Variants in VAV2 observed in about 807,000 individuals in gnomAD.
VAV2 encodes the protein vav guanine nucleotide exchange factor 2.
Under a neutral mutation model 132.5 loss-of-function variants are expected in VAV2, and 67 were observed. The observed-to-expected ratio is 0.51, with a 90% CI of 0.42 to 0.62. The LOEUF is 0.62. Ranked by LOEUF, VAV2 falls within the 20% of genes least tolerant of loss-of-function variation. VAV2 has a pLI of 0.00. For missense variants in VAV2, 938 were observed against 1,153.6 expected (o/e 0.81, Z 2.71); for synonymous variants, 492 against 443.5 (o/e 1.11, Z -1.37).
chr9:133,780,662 G>A (rs1203737029), intron 20 of VAV2, 32 bp downstream of exon 20: 4 of 1,288,780 alleles, frequency 3.1e-6, no homozygotes, highest in Non-Finnish European at 4.0e-6. Flanking sequence ...CGGGGGTGGG[G>A]CAGAGGGAGG....
At chr9:133,888,230 G>A (rs1282765252) in intron 2 of VAV2, among the ~76,000 whole-genome samples, 1 of 152,242 alleles carries the variant, frequency 6.6e-6, no homozygotes, top group Non-Finnish European at 1.5e-5. Context: ...CGCTGAATGG[G>A]GGCAGAGTGT....
chr9:133,868,998 C>CTTTTT (rs112644029), intron 2 of VAV2, among the ~76,000 whole-genome samples: 1 of 142,364 alleles, frequency 7.0e-6, no homozygotes, highest in African/African-American at 2.6e-5. Context: ...TCTATTTATT[C>CTTTTT]TTTTTTTTTT....
rs991056306 is a variant in VAV2, at chr9:133,926,619, CCT to C, written c.321+12482_321+12483del. Among the ~76,000 whole-genome samples, 1 of 152,136 alleles carries C rather than the reference CCT, an allele frequency of 6.6e-6. No homozygotes were observed. ...CCTCTGGACCTTTGCACATGCTGCCCCTGAGACCTCCCATACCACCACCTTCA... is the reference window on the plus strand; with the variant it reads ...CCTCTGGACCTTTGCACATGCTGCCCGAGACCTCCCATACCACCACCTTCA... On this transcript the variant is annotated intron_variant, in intron 2 of 29. Transcript: ENST00000371850. The surrounding 1 kb of genome is among the most constrained non-coding windows in gnomAD (Gnocchi z 4.3).
intron 2 of VAV2, among the ~76,000 whole-genome samples, chr9:133,871,882 G>A (rs1838069633): frequency 6.6e-6 from 1 of 151,900 alleles, no homozygotes; most frequent in African/African-American, 2.4e-5. Flanking sequence ...GGCCAGCCCT[G>A]CCCCTTCTGA....
At position 133,769,298 on chromosome 9, in the gene VAV2, C is replaced by A. The variant is rs1833536143; in HGVS notation, c.2434+119G>T. On this transcript the variant is annotated intron_variant, in intron 28 of 29. Coordinates refer to ENST00000371850, the MANE Select transcript of VAV2 (RefSeq NM_001134398.2). This position sits in a 1 kb window ranked among gnomAD's most constrained non-coding sequence, Gnocchi z 8.1. ...TTTCTCCCCTCCACCCAGTGCCAGA[C>A]TGCGGACAACTGTGGCCACGTCAGG... 1.8e-6 allele frequency: 2 copies of A among 1,110,884 alleles called. No homozygotes were observed. The highest frequency in any genetic ancestry group is 2.5e-6 in the Non-Finnish European group (2 of 787,290). The allele number at this position is 1,110,884 out of a possible 1,614,324, so 68.8% of individuals were successfully genotyped here.
chr9:133,866,133 G>A (rs915554540), intron 2 of VAV2, among the ~76,000 whole-genome samples: 8 of 151,720 alleles, frequency 5.3e-5, no homozygotes, highest in African/African-American at 9.7e-5. Context: ...AAGCCCTAGG[G>A]TGGGCCTGGT....
chr9:133,894,633 T>A (rs2810468), intron 2 of VAV2, among the ~76,000 whole-genome samples: 1 of 151,968 alleles, frequency 6.6e-6, no homozygotes, highest in Non-Finnish European at 1.5e-5. Context: ...GGGCCAGCCC[T>A]TTCCCCACCG....
rs781179429 is a variant in VAV2, at chr9:133,796,540, G to A, written c.937-16C>T. 1.7e-5 allele frequency: 28 copies of A among 1,609,370 alleles called. 1 individual carries two copies. The South Asian group carries it at 2.9e-4, about 17-fold the overall frequency. ...GTGTGCACTCCTGGGAGGGCGACAG[G>A]GCGATGGGAGAGCCCTCCCCGAGGA... On this transcript the variant is annotated splice_polypyrimidine_tract_variant and intron_variant, in intron 10 of 29. Transcript: ENST00000371850.
Position 133,868,495 on chromosome 9 carries a change from C to T in VAV2, c.322-7063G>A, listed in dbSNP as rs138245702. 1.2e-4 allele frequency among the ~76,000 whole-genome samples: 18 copies of T among 152,296 alleles called. No individual in the cohort carries two copies. The East Asian group carries it at 2.9e-3, about 25-fold the overall frequency. On this transcript the variant is annotated intron_variant, in intron 2 of 29. Transcript: ENST00000371850. ...CCCGTGTGGCTGTAGGTGAATGAGA[C>T]GGAGCCTGGCCCAAAGCAGGGACTC...
At chr9:133,850,271 C>G (rs977011233) in intron 3 of VAV2, among the ~76,000 whole-genome samples, 2 of 152,196 alleles carry the variant, frequency 1.3e-5, no homozygotes, top group East Asian at 1.9e-4. Flanking sequence ...TAACCCTGAG[C>G]CTCCGGGTCT....
intron 20 of VAV2, 120 bp from the exon 21 acceptor site, chr9:133,780,059 G>A (rs1316398634): frequency 7.3e-7 from 1 of 1,366,196 alleles, no homozygotes; most frequent in Non-Finnish European, 1.0e-6. Context: ...GGTCAAGGCA[G>A]GAGCAGGGGA....
chr9:133,805,324 T>C (rs1482194719), intron 9 of VAV2, among the ~76,000 whole-genome samples: 4 of 152,132 alleles, frequency 2.6e-5, no homozygotes, highest in Non-Finnish European at 1.5e-5. Context: ...GTGGCTCTAG[T>C]GAGCAGCCAA....
intron 12 of VAV2, among the ~76,000 whole-genome samples, chr9:133,793,286 G>A (rs1265423152): frequency 6.6e-6 from 1 of 151,948 alleles, no homozygotes; most frequent in African/African-American, 2.4e-5. Flanking sequence ...GAGAGCAGCG[G>A]GTGGAATTCC....
At chr9:133,948,820 C>T (rs1013988386) in intron 1 of VAV2, among the ~76,000 whole-genome samples, 4 of 152,240 alleles carry the variant, frequency 2.6e-5, no homozygotes, top group African/African-American at 4.8e-5. Flanking sequence ...CGAGCTGTCA[C>T]GTATCCCTGG....
Position 133,788,557 on chromosome 9 carries a change from G to C in VAV2, c.1275-71C>G. 1 of 1,563,428 alleles carries C rather than the reference G, an allele frequency of 6.4e-7. No individual in the cohort carries two copies. Among genetic ancestry groups the C allele is most frequent in the Non-Finnish European group, 8.7e-7 (1 of 1,145,326 alleles). On this transcript the variant is annotated intron_variant, in intron 14 of 29. Transcript: ENST00000371850. This position sits in a 1 kb window ranked among gnomAD's most constrained non-coding sequence, Gnocchi z 5.3. ...GCTCTGCTCCGAGGAGGCGGCAGGA[G>C]CTGAGCCTGAGGCTCTGGCACGCGG...
rs545115807 is a variant in VAV2 at position 133,832,221 on chromosome 9, G to A, written c.449+2051C>T. 1.5e-4 allele frequency among the ~76,000 whole-genome samples: 23 copies of A among 152,366 alleles called. No individual in the cohort carries two copies. The South Asian group carries it at 4.4e-3, about 29-fold the overall frequency. On this transcript the variant is annotated intron_variant, in intron 4 of 29. Transcript: ENST00000371850. Reference sequence around the variant, plus strand: ...TTGGGCAGCCCAGAGACCCAACAGAGGCATGGGTGCTGAGGGGGCGCTGGC... The same window carrying A: ...TTGGGCAGCCCAGAGACCCAACAGAAGCATGGGTGCTGAGGGGGCGCTGGC...
At chr9:133,782,444 A>AG (rs1222921016) in intron 19 of VAV2, among the ~76,000 whole-genome samples, 1 of 152,102 alleles carries the variant, frequency 6.6e-6, no homozygotes, top group Admixed American at 6.5e-5. Context: ...GTGCACAGCT[A>AG]GGGGGCTGCA....
chr9:133,798,637 C>T (rs1010768174), intron 9 of VAV2, among the ~76,000 whole-genome samples: 9 of 152,202 alleles, frequency 5.9e-5, no homozygotes, highest in African/African-American at 1.2e-4. Flanking sequence ...ATAACCCCAC[C>T]GACAGGGCAG....
chr9:133,890,335 G>A (rs780550325), intron 2 of VAV2, among the ~76,000 whole-genome samples: 10 of 152,242 alleles, frequency 6.6e-5, no homozygotes, highest in Admixed American at 2.0e-4. Context: ...CACGCAGGCC[G>A]TGGGGCAACC....
Sources: gnomAD v4.1 joint callset for allele counts (sites outside exome capture counted in the v4.1 genomes callset) on GRCh38, gnomAD v4.1.1 for gene constraint, Gnocchi (gnomAD v3.1) non-coding constraint, MANE v1.5 for transcripts, NCBI Gene and HGNC (gene_info 2026-07-23, HGNC 2026-07-21) for gene names.